The following FRMPD4 variants were observed in gnomAD, a reference collection of about 807,000 sequenced individuals.
The protein encoded by FRMPD4 is FERM and PDZ domain containing 4, also known as FERM and PDZ domain-containing protein 4.
A neutral mutation model predicts 94.1 loss-of-function variants in FRMPD4; 22 were observed. That is an observed-to-expected ratio of 0.23 (90% CI 0.17 to 0.33). FRMPD4 has a LOEUF of 0.33. Ranked by LOEUF, FRMPD4 falls within the 10% of genes least tolerant of loss-of-function variation. FRMPD4 has a pLI of 1.00. For synonymous variants in FRMPD4, 631 were observed against 548.6 expected (o/e 1.15, Z -2.10); for missense variants, 1,111 against 1,339.9 (o/e 0.83, Z 2.67).
At position 12,721,282 on chromosome X, in the gene FRMPD4, C is replaced by G; in HGVS notation, c.4713C>G (p.Asp1571Glu). 1.3e-6 allele frequency: 1 copy of G among 755,417 alleles called. No homozygotes were observed. The highest frequency in any genetic ancestry group is 1.6e-6 in the Non-Finnish European group (1 of 638,845). The allele number at this position is 755,417 out of a possible 1,213,427, so 62.3% of individuals were successfully genotyped here. Residue 1571 changes from aspartate (D) to glutamate (E), a missense_variant, in exon 17 of 17, where the codon GAC becomes GAG. Asp to Glu is a conservative substitution (Grantham distance 45). Transcript: ENST00000675598. ...RGSVLKVWAE[D>E]LRDPDDLDFS... The stretch of plus-strand genomic sequence containing the variant: ...CAGTGCTGAAGGTCTGGGCAGAAGA[C>G]CTGCGAGACCCAGATGACTTGGACT...
chrX:12,150,385 T>C (rs1444496668), intron 1 of FRMPD4, among the ~76,000 whole-genome samples: 2 of 112,117 alleles, frequency 1.8e-5, no homozygotes, highest in Non-Finnish European at 3.8e-5. Context: ...AACTGTTCCC[T>C]ACCTCTACAG....
At position 12,537,577 on chromosome X, in the gene FRMPD4, G is replaced by A. The variant is rs1313531981; in HGVS notation, c.158+38781G>A. Among the ~76,000 whole-genome samples, 7 of 104,785 alleles carry A rather than the reference G, an allele frequency of 6.7e-5. No homozygotes were observed. The Admixed American group carries it at 7.3e-4, about 11-fold the overall frequency. The allele number at this position is 104,785 out of a possible 115,157, so 91.0% of individuals were successfully genotyped here. ...AAGTGATCCTCCCACTTCAGCCTCT[G>A]GAGTATCTGGGACTACATGTGCATG... is the stretch of plus-strand genomic sequence containing the variant. On this transcript the variant is annotated intron_variant, in intron 2 of 16. Coordinates refer to ENST00000675598, the MANE Select transcript of FRMPD4 (RefSeq NM_001368397.1).
At chrX:12,171,651 G>T (rs1601657833) in intron 1 of FRMPD4, among the ~76,000 whole-genome samples, 1 of 112,039 alleles carries the variant, frequency 8.9e-6, no homozygotes, top group Non-Finnish European at 1.9e-5. Flanking sequence ...AGCAAAGCCT[G>T]TTGTTGACCC....
At chrX:11,847,680 T>C (rs376006825) in intron 1 of FRMPD4, among the ~76,000 whole-genome samples, 3 of 110,031 alleles carry the variant, frequency 2.7e-5, no homozygotes, top group Admixed American at 9.7e-5. Context: ...GGCACATATA[T>C]ACCATGGAAT....
At chrX:11,837,366 G>GA (rs1157101965) in intron 1 of FRMPD4, among the ~76,000 whole-genome samples, 6 of 111,478 alleles carry the variant, frequency 5.4e-5, no homozygotes. Flanking sequence ...TGAATTTTGA[G>GA]AAAATTTTTT....
chrX:11,966,538 A>G (rs930337103), intron 3 of FRMPD4, among the ~76,000 whole-genome samples: 2 of 111,429 alleles, frequency 1.8e-5, no homozygotes, highest in Middle Eastern at 4.2e-3. Context: ...CATCATCATC[A>G]TCATCATCAT....
At chrX:12,520,059 C>T (rs1292622447) in intron 2 of FRMPD4, among the ~76,000 whole-genome samples, 1 of 111,940 alleles carries the variant, frequency 8.9e-6, no homozygotes, top group African/African-American at 3.2e-5. Flanking sequence ...ACATCCAAAA[C>T]AATTGAAAGC....
intron 1 of FRMPD4, among the ~76,000 whole-genome samples, chrX:12,273,797 T>C (rs144893506): frequency 8.9e-6 from 1 of 112,638 alleles, no homozygotes; most frequent in Non-Finnish European, 1.9e-5. Context: ...TTTTTCTCAT[T>C]GTACTGAGTT....
intron 3 of FRMPD4, among the ~76,000 whole-genome samples, chrX:12,037,856 T>A (rs745758278): frequency 2.5e-4 from 28 of 111,704 alleles, no homozygotes; most frequent in Non-Finnish European, 3.8e-4. Context: ...TCCTGCATTA[T>A]TTTGCTAAGG....
chrX:12,323,595 C>T (rs150969526), intron 1 of FRMPD4, among the ~76,000 whole-genome samples: 79 of 111,354 alleles, frequency 7.1e-4, no homozygotes, highest in Middle Eastern at 4.6e-3. Context: ...CCAGGCCCAA[C>T]ATGTTGTTTG....
chrX:12,675,914 C>T (rs1353529257), intron 5 of FRMPD4, among the ~76,000 whole-genome samples: 1 of 111,365 alleles, frequency 9.0e-6, no homozygotes, highest in Non-Finnish European at 1.9e-5. Flanking sequence ...AGAATTTTTC[C>T]CCTAAGCTCT....
rs771247687 is a variant in FRMPD4 at position 12,539,122 on chromosome X, G to A, written c.158+40326G>A. Among the ~76,000 whole-genome samples, 7 of 112,420 alleles carry A rather than the reference G, an allele frequency of 6.2e-5. No individual in the cohort carries two copies. In the East Asian group the frequency reaches 8.4e-4, roughly 13 times the overall value. On this transcript the variant is annotated intron_variant, in intron 2 of 16. Transcript: ENST00000675598. The stretch of plus-strand genomic sequence containing the variant: ...CTGATGGAGCTGAAAACTATGGCAC[G>A]AGAACTACATGACGCTTGCACAAGC...
At chrX:12,220,146 ACAACAG>A (rs2056848882) in intron 1 of FRMPD4, among the ~76,000 whole-genome samples, 1 of 80,162 alleles carries the variant, frequency 1.2e-5, no homozygotes, top group Non-Finnish European at 2.6e-5. Context: ...TGTCTCAACA[ACAACAG>A]CAACAACAAC....
chrX:11,963,295 T>A (rs751236123), intron 3 of FRMPD4, among the ~76,000 whole-genome samples: 28 of 112,469 alleles, frequency 2.5e-4, no homozygotes, highest in Admixed American at 6.6e-4. Flanking sequence ...CTCCAACCGA[T>A]GTCTGCTGCT....
intron 1 of FRMPD4, among the ~76,000 whole-genome samples, chrX:12,275,782 T>C (rs1053738266): frequency 9.0e-6 from 1 of 110,705 alleles, no homozygotes; most frequent in African/African-American, 3.3e-5. Context: ...GAATTTTGAG[T>C]TGGGAGTGAC....
At chrX:12,636,825 C>A (rs1004154242) in intron 4 of FRMPD4, among the ~76,000 whole-genome samples, 1 of 111,854 alleles carries the variant, frequency 8.9e-6, no homozygotes, top group East Asian at 2.8e-4. Flanking sequence ...CTTATTGAAG[C>A]TCAACTCATC....
In FRMPD4 at chrX:12,671,591, G is replaced by A. The variant is rs1042779962; in HGVS notation, c.423-3272G>A. Among the ~76,000 whole-genome samples the A allele has an allele frequency of 3.6e-5, 4 of 110,421 alleles. No homozygotes were observed. In the South Asian group the frequency reaches 1.6e-3, roughly 44 times the overall value. On this transcript the variant is annotated intron_variant, in intron 4 of 16. Coordinates refer to ENST00000675598, the MANE Select transcript of FRMPD4 (RefSeq NM_001368397.1). ...CACACACCAGGGCCTGTTGGGTGGT[G>A]GGGGGCTAGGGGAGGGATAGCATTA...
At chrX:11,960,286 C>G (rs189234357) in intron 3 of FRMPD4, among the ~76,000 whole-genome samples, 1 of 111,898 alleles carries the variant, frequency 8.9e-6, no homozygotes, top group Non-Finnish European at 1.9e-5. Context: ...ATTTTAAAGG[C>G]TGAAAAATAA....
In FRMPD4 at chrX:12,473,720, G is replaced by A. The variant is rs1456857702; in HGVS notation, c.42-24960G>A. The stretch of plus-strand genomic sequence containing the variant: ...ACAAAGATCAAAAGAGACAAAGAAG[G>A]CCATTACATAATGGTAAAGGAATCA... On this transcript the variant is annotated intron_variant, in intron 1 of 16. Coordinates refer to ENST00000675598, the MANE Select transcript of FRMPD4 (RefSeq NM_001368397.1). Among the ~76,000 whole-genome samples, 10 of 110,090 alleles carry A rather than the reference G, an allele frequency of 9.1e-5. 1 individual carries two copies. The highest frequency in any genetic ancestry group is 2.8e-4 in the African/African-American group (8 of 28,992).
Sources: gnomAD v4.1 joint callset for allele counts (sites outside exome capture counted in the v4.1 genomes callset) on GRCh38, gnomAD v4.1.1 for gene constraint, MANE v1.5 for transcripts, NCBI Gene and HGNC (gene_info 2026-07-23, HGNC 2026-07-21) for gene names.